The following ABHD2 variants were observed in gnomAD, a reference collection of about 807,000 sequenced individuals.
The protein encoded by ABHD2 is monoacylglycerol lipase ABHD2.
In ABHD2, 20 loss-of-function variants were observed where a neutral mutation model predicts 48.1. The ratio of observed to expected loss-of-function variants is 0.42; its 90% CI spans 0.29 to 0.60. ABHD2 has a LOEUF of 0.60. ABHD2 is among the 20% of genes least tolerant of loss of function. The pLI is 0.24. For missense variants in ABHD2, 405 were observed against 550.9 expected, an observed-to-expected ratio of 0.74 and a Z score of 2.65; for synonymous variants, 209 against 214.2, an observed-to-expected ratio of 0.98 and a Z score of 0.21.
Position 89,128,489 on chromosome 15 carries a change from G to A in ABHD2, c.194+11968G>A, listed in dbSNP as rs533736802. ...ATATCCACGTTGTCAATGCTTTGCC[G>A]TCACCACAGCTACTCTATTCTTGTC... On this transcript the variant is annotated intron_variant, in intron 3 of 10. Transcript: ENST00000352732. Among the ~76,000 whole-genome samples, 35 of 152,248 alleles carry A rather than the reference G, an allele frequency of 2.3e-4. No individual in the cohort carries two copies. The South Asian group carries it at 5.2e-3, about 23-fold the overall frequency.
At position 89,094,443 on chromosome 15, in the gene ABHD2, T is replaced by G. The variant is rs2049578736; in HGVS notation, c.-107+5880T>G. On this transcript the variant is annotated intron_variant, in intron 1 of 10. Coordinates refer to ENST00000352732, the MANE Select transcript of ABHD2 (RefSeq NM_152924.5). The surrounding 1 kb of genome is among the most constrained non-coding windows in gnomAD (Gnocchi z 4.7). Reference sequence around the variant, plus strand: ...GAAATACAGCAGGGCTTGGTGTCACTACGCCTGTAGTGACAGCACTTTGGG... The same window carrying G: ...GAAATACAGCAGGGCTTGGTGTCACGACGCCTGTAGTGACAGCACTTTGGG... The G allele has an allele frequency of 6.6e-6, 1 of 152,172 alleles. No homozygotes were observed. The highest frequency in any genetic ancestry group is 2.1e-4 in the South Asian group (1 of 4,828). The allele number at this position is 152,172 out of a possible 1,614,324, so 9.4% of individuals were successfully genotyped here. A position where few individuals can be genotyped will look rare whatever the true frequency, so the allele number is the denominator to read the frequency against.
Position 89,177,224 on chromosome 15 carries a change from TGA to T in ABHD2, c.722+1233_722+1234del, listed in dbSNP as rs1457560959. Among the ~76,000 whole-genome samples the T allele has an allele frequency of 1.3e-5, 2 of 152,228 alleles. No homozygotes were observed. The highest frequency in any genetic ancestry group is 2.9e-5 in the Non-Finnish European group (2 of 68,046). ...AGCAGTACCTACCTCATAGCACCGC[TGA>T]GAGTCAAATGAGTTGATGCGTGTGA... On this transcript the variant is annotated intron_variant, in intron 6 of 10. Coordinates refer to ENST00000352732, the MANE Select transcript of ABHD2 (RefSeq NM_152924.5). This position sits in a 1 kb window ranked among gnomAD's most constrained non-coding sequence, Gnocchi z 5.6.
At chr15:89,103,035 G>C (rs1387901471) in intron 1 of ABHD2, among the ~76,000 whole-genome samples, 1 of 152,216 alleles carries the variant, frequency 6.6e-6, no homozygotes, top group African/African-American at 2.4e-5. Flanking sequence ...ACTTACTTCT[G>C]TCTCTTTACT....
At chr15:89,191,755 A>C (rs1020702613) in intron 9 of ABHD2, among the ~76,000 whole-genome samples, 1 of 150,842 alleles carries the variant, frequency 6.6e-6, no homozygotes, top group Non-Finnish European at 1.5e-5. Context: ...CAGCCTCCTG[A>C]GTAGCTGGGA....
chr15:89,067,067 G>T, the ABHD2 span, among the ~76,000 whole-genome samples: 3 of 152,168 alleles, frequency 2.0e-5, no homozygotes, highest in Non-Finnish European at 4.4e-5. Context: ...GCCCCATGTT[G>T]GGGTGATCAG....
rs2051171146 is a variant in ABHD2, at chr15:89,184,430, T to G, written c.723-994T>G. Among the ~76,000 whole-genome samples, 2 of 152,134 alleles carry G rather than the reference T, an allele frequency of 1.3e-5. No homozygotes were observed. Among genetic ancestry groups the G allele is most frequent in the Admixed American group, 6.5e-5 (1 of 15,280 alleles). ...GTGACGTCCAGATCCATTCACAGGG[T>G]GGAGTCAGGCCTGGAGATTTTGAAA... On this transcript the variant is annotated intron_variant, in intron 6 of 10. Coordinates refer to ENST00000352732, the MANE Select transcript of ABHD2 (RefSeq NM_152924.5). The surrounding 1 kb of genome is among the most constrained non-coding windows in gnomAD (Gnocchi z 5.1).
intron 3 of ABHD2, among the ~76,000 whole-genome samples, chr15:89,126,172 A>G (rs2050128458): frequency 6.6e-6 from 1 of 152,190 alleles, no homozygotes; most frequent in African/African-American, 2.4e-5. Flanking sequence ...GCTACAACTG[A>G]TTCCATCACG....
At chr15:89,112,301 T>A (rs2049887728) in intron 1 of ABHD2, among the ~76,000 whole-genome samples, 1 of 152,228 alleles carries the variant, frequency 6.6e-6, no homozygotes, top group Non-Finnish European at 1.5e-5. Flanking sequence ...TCTCCTGGTG[T>A]TAATAATATG....
chr15:89,070,776 A>G, the ABHD2 span, among the ~76,000 whole-genome samples: 1 of 152,132 alleles, frequency 6.6e-6, no homozygotes, highest in African/African-American at 2.4e-5. Flanking sequence ...ATCTATGGAC[A>G]TCTTGAAATT....
chr15:89,158,234 G>T (rs1469425054), intron 5 of ABHD2, among the ~76,000 whole-genome samples: 1 of 152,188 alleles, frequency 6.6e-6, no homozygotes, highest in Non-Finnish European at 1.5e-5. Flanking sequence ...AAAAACTGAG[G>T]CATAGAGAGG....
intron 5 of ABHD2, among the ~76,000 whole-genome samples, chr15:89,165,411 A>G (rs2050823239): frequency 6.6e-6 from 1 of 152,196 alleles, no homozygotes; most frequent in Admixed American, 6.5e-5. Context: ...CTGAGTAAAA[A>G]TAAATGTGAA....
chr15:89,144,980 G>C (rs1251484589), intron 3 of ABHD2, among the ~76,000 whole-genome samples: 1 of 152,190 alleles, frequency 6.6e-6, no homozygotes, highest in East Asian at 1.9e-4. Flanking sequence ...CAGTAGGCCG[G>C]GCACAGTGGC....
rs2051398900 is a variant in ABHD2, at chr15:89,196,172, G to A, written c.*749G>A. 6.6e-6 allele frequency: 1 copy of A among 152,326 alleles called. No homozygotes were observed. The highest frequency in any genetic ancestry group is 1.5e-5 in the Non-Finnish European group (1 of 68,046). 9.4% of individuals were successfully genotyped at this position (152,326 alleles called of 1,614,324 possible). A position where few individuals can be genotyped will look rare whatever the true frequency, so the allele number is the denominator to read the frequency against. On this transcript the variant is annotated 3_prime_UTR_variant, in exon 11 of 11. Transcript: ENST00000352732. ...TCACCAAGCAAATTTTGGAAATGCT[G>A]TTCAACAGCGCCCTTAAATTGGAAA...
In ABHD2 at chr15:89,196,447, T is replaced by A. The variant is rs1178290251; in HGVS notation, c.*1024T>A. ...ACTTGGACCAGGTAGATTGCTGAGC[T>A]CACTACCAGGTTCAAAGTTCAATGA... On this transcript the variant is annotated 3_prime_UTR_variant, in exon 11 of 11. Transcript: ENST00000352732. The A allele has an allele frequency of 3.3e-5, 5 of 152,116 alleles. No homozygotes were observed. The highest frequency in any genetic ancestry group is 1.2e-4 in the African/African-American group (5 of 41,428). 9.4% of individuals were successfully genotyped at this position (152,116 alleles called of 1,614,324 possible). A position where few individuals can be genotyped will look rare whatever the true frequency, so the allele number is the denominator to read the frequency against.
At position 89,202,034 on chromosome 15, in the gene ABHD2, GC is replaced by G; in HGVS notation, c.*6615del. 2.5e-6 allele frequency: 1 copy of G among 392,518 alleles called. No individual in the cohort carries two copies. The highest frequency in any genetic ancestry group is 4.3e-5 in the Admixed American group (1 of 23,076). The allele number at this position is 392,518 out of a possible 1,614,324, so 24.3% of individuals were successfully genotyped here. ...TGGGTTTTCTGAAACTTAAAATGCT[GC>G]CCCGAAAATACTATATTTTTGAGTT... On this transcript the variant is annotated 3_prime_UTR_variant, in exon 11 of 11. Coordinates refer to ENST00000352732, the MANE Select transcript of ABHD2 (RefSeq NM_152924.5).
rs924775630 is a variant in ABHD2 at position 89,188,254 on chromosome 15, C to T, written c.877C>T (p.Arg293Trp). The T allele has an allele frequency of 3.7e-6, 6 of 1,609,790 alleles. No homozygotes were observed. The highest frequency in any genetic ancestry group is 1.4e-5 in the African/African-American group (1 of 74,016). The change falls in exon 8 of 11, where the codon CGG (arginine) becomes TGG (tryptophan). Residue 293 changes from arginine (R) to tryptophan (W), a missense_variant. Transcript: ENST00000352732. The surrounding 1 kb of genome is among the most constrained non-coding windows in gnomAD (Gnocchi z 4.1). ...GAGCCTGGAAGACACGGACTTGAGC[C>T]GGCTCTACACAGCAACATCCCTGAT... is the stretch of plus-strand genomic sequence containing the variant. ...PQSLEDTDLS[R>W]LYTATSLMQI...
At position 89,173,139 on chromosome 15, in the gene ABHD2, T is replaced by C. The variant is rs980973294; in HGVS notation, c.539-2673T>C. Among the ~76,000 whole-genome samples, 1 of 152,262 alleles carries C rather than the reference T, an allele frequency of 6.6e-6. No individual in the cohort carries two copies. The highest frequency in any genetic ancestry group is 6.5e-5 in the Admixed American group (1 of 15,284). On this transcript the variant is annotated intron_variant, in intron 5 of 10. Coordinates refer to ENST00000352732, the MANE Select transcript of ABHD2 (RefSeq NM_152924.5). This position sits in a 1 kb window ranked among gnomAD's most constrained non-coding sequence, Gnocchi z 6.5. ...ATTTCTAAATTTTTTATTTGTTGCGTGGTGTAGAAGCTGATATCAGCTAAT... is the reference window on the plus strand; with the variant it reads ...ATTTCTAAATTTTTTATTTGTTGCGCGGTGTAGAAGCTGATATCAGCTAAT...
chr15:89,042,994 C>G, the ABHD2 span, among the ~76,000 whole-genome samples: 2 of 152,092 alleles, frequency 1.3e-5, no homozygotes, highest in East Asian at 1.9e-4. Flanking sequence ...ATTTGCCCAG[C>G]ACCATTTGTT....
chr15:89,073,121 AG>A, the ABHD2 span, among the ~76,000 whole-genome samples: 7 of 152,162 alleles, frequency 4.6e-5, no homozygotes, highest in Non-Finnish European at 1.0e-4. Flanking sequence ...TTGTGAGGAA[AG>A]CACTTTTTGA....
Sources: gnomAD v4.1 joint callset for allele counts (sites outside exome capture counted in the v4.1 genomes callset) on GRCh38, gnomAD v4.1.1 for gene constraint, Gnocchi (gnomAD v3.1) non-coding constraint, MANE v1.5 for transcripts, NCBI Gene and HGNC (gene_info 2026-07-23, HGNC 2026-07-21) for gene names.